The following C2CD3 variants were observed in gnomAD, a reference collection of about 807,000 sequenced individuals.
C2CD3 encodes the protein C2 domain-containing protein 3.
A neutral mutation model predicts 234.0 loss-of-function variants in C2CD3; 148 were observed. That is an observed-to-expected ratio of 0.63 (90% CI 0.55 to 0.72). The LOEUF is 0.72. Ranked by LOEUF, C2CD3 falls within the 30% of genes least tolerant of loss-of-function variation. C2CD3 has a pLI of 0.00. For missense variants in C2CD3, 2,577 were observed against 2,811.5 expected, an observed-to-expected ratio of 0.92 and a Z score of 1.89; for synonymous variants, 1,000 against 1,035.4, an observed-to-expected ratio of 0.97 and a Z score of 0.66.
At chr11:74,099,255 A>C (rs1956222254) in intron 15 of C2CD3, among the ~76,000 whole-genome samples, 1 of 152,354 alleles carries the variant, frequency 6.6e-6, no homozygotes, top group Non-Finnish European at 1.5e-5. Flanking sequence ...ATTAATACTC[A>C]GCTGTTCACA....
At chr11:74,135,899 T>C (rs921677836) in intron 5 of C2CD3, among the ~76,000 whole-genome samples, 2 of 152,074 alleles carry the variant, frequency 1.3e-5, no homozygotes, top group African/African-American at 2.4e-5. Context: ...TTTTCACTTA[T>C]AAATGGGAGC....
At chr11:74,135,429 G>T (rs117253906) in intron 5 of C2CD3, among the ~76,000 whole-genome samples, 2 of 152,188 alleles carry the variant, frequency 1.3e-5, no homozygotes, top group East Asian at 1.9e-4. Flanking sequence ...CAGCTTGCCC[G>T]GACTTGCAGA....
chr11:74,114,469 C>T lies in C2CD3; in HGVS notation c.1645G>A (p.Gly549Arg), dbSNP rs1956859071. The change falls in exon 10 of 33, where the codon GGA becomes AGA. Residue 549 changes from glycine (G) to arginine (R), a missense_variant. Transcript: ENST00000334126. Reference protein sequence around the residue: ...HSVRIIIETMGVPPDSPQMTP... With the variant: ...HSVRIIIETMRVPPDSPQMTP... ...ATCTGAGGACTATCTGGAGGAACTC[C>T]CATGGTTTCGATGATGATTCTGACT... is the stretch of plus-strand genomic sequence containing the variant. 1.9e-6 allele frequency: 3 copies of T among 1,613,816 alleles called. No homozygotes were observed. Among genetic ancestry groups the T allele is most frequent in the South Asian group, 2.2e-5 (2 of 91,086 alleles).
intron 26 of C2CD3, 35 bp downstream of exon 26, chr11:74,054,572 C>T: frequency 2.8e-6 from 2 of 707,308 alleles, no homozygotes; most frequent in Non-Finnish European, 4.6e-6. Flanking sequence ...CTTATTTTTA[C>T]AAGCAAGCAG....
At chr11:74,154,375 T>C (rs1358146382) in intron 3 of C2CD3, among the ~76,000 whole-genome samples, 5 of 152,132 alleles carry the variant, frequency 3.3e-5, no homozygotes, top group Non-Finnish European at 5.9e-5. Flanking sequence ...AATCTATGCT[T>C]CTGAGTTGTA....
At position 74,117,128 on chromosome 11, in the gene C2CD3, GAA is replaced by G. The variant is rs1957030063; in HGVS notation, c.1520+1098_1520+1099del. Among the ~76,000 whole-genome samples the G allele has an allele frequency of 1.7e-4, 4 of 23,836 alleles. 1 individual carries two copies. Among genetic ancestry groups the G allele is most frequent in the Non-Finnish European group, 2.7e-4 (4 of 14,964 alleles). The allele number at this position is 23,836 out of a possible 152,430, so 15.6% of individuals were successfully genotyped here. A position where few individuals can be genotyped will look rare whatever the true frequency, so the allele number is the denominator to read the frequency against. ...TATATATATATGAATATATATATATGAATATATATATATGAATATATATATAT... is the reference window on the plus strand; with the variant it reads ...TATATATATATGAATATATATATATGTATATATATATGAATATATATATAT... On this transcript the variant is annotated intron_variant, in intron 9 of 32. Coordinates refer to ENST00000334126, the MANE Select transcript of C2CD3 (RefSeq NM_001286577.2).
At chr11:74,150,507 A>AAC (rs1378354968) in intron 3 of C2CD3, among the ~76,000 whole-genome samples, 7 of 76,996 alleles carry the variant, frequency 9.1e-5, no homozygotes, top group African/African-American at 1.5e-4. Context: ...AAAAAAAAAA[A>AAC]AAAAAAAACA....
chr11:74,078,386 A>G lies in C2CD3; in HGVS notation c.4332T>C (p.His1444=), dbSNP rs368131998. 171 of 1,614,052 alleles carry G rather than the reference A, an allele frequency of 1.1e-4. No individual in the cohort carries two copies. Among genetic ancestry groups the G allele is most frequent in the Non-Finnish European group, 1.3e-4 (152 of 1,180,036 alleles). ...TCTTGAGAGGGGTCCAAAAGGCTTC[A>G]TGATCATAGAACTTGTAGCGAAGGT... is the stretch of plus-strand genomic sequence containing the variant. The part of the protein sequence containing the change: ...YCYLRYKFYD[H]EAFWTPLKKP... Residue 1444 remains histidine, a synonymous_variant, in exon 23 of 33, where the codon CAT becomes CAC. Transcript: ENST00000334126.
At chr11:74,058,317 T>C (rs1253735678) in intron 24 of C2CD3, among the ~76,000 whole-genome samples, 1 of 152,216 alleles carries the variant, frequency 6.6e-6, no homozygotes, top group Non-Finnish European at 1.5e-5. Flanking sequence ...AACACTTACA[T>C]ATCACTTACT....
intron 26 of C2CD3, among the ~76,000 whole-genome samples, chr11:74,053,076 G>C (rs557394676): frequency 2.0e-5 from 3 of 152,298 alleles, no homozygotes; most frequent in African/African-American, 7.2e-5. Flanking sequence ...AATCTTACTA[G>C]CATGGTGAAG....
chr11:74,147,401 A>G (rs1424192060), intron 3 of C2CD3, among the ~76,000 whole-genome samples: 1 of 152,216 alleles, frequency 6.6e-6, no homozygotes, highest in African/African-American at 2.4e-5. Flanking sequence ...TGGGCAACAG[A>G]GCAAGACCCC....
chr11:74,050,056 A>C (rs1323839917), intron 26 of C2CD3, among the ~76,000 whole-genome samples: 1 of 152,168 alleles, frequency 6.6e-6, no homozygotes, highest in Non-Finnish European at 1.5e-5. Context: ...TTGGGATTAC[A>C]CATGTAAGCC....
rs148772090 is a variant in C2CD3 at position 74,077,233 on chromosome 11, T to C, written c.4603+882A>G. ...TAGCATTCTAGATGATCAGATAGGC[T>C]CTTATATATGTGATTACAAGTAGTT... is the stretch of plus-strand genomic sequence containing the variant. On this transcript the variant is annotated intron_variant, in intron 23 of 32. Transcript: ENST00000334126. Among the ~76,000 whole-genome samples, 1,371 of 152,042 alleles carry C rather than the reference T, an allele frequency of 9.0e-3. 18 individuals are homozygous for C. The highest frequency in any genetic ancestry group is 0.031 in the African/African-American group (1,287 of 41,458).
chr11:74,074,295 C>T lies in C2CD3; in HGVS notation c.4909G>A (p.Val1637Ile). 1 of 1,614,202 alleles carries T rather than the reference C, an allele frequency of 6.2e-7. No homozygotes were observed. The highest frequency in any genetic ancestry group is 8.5e-7 in the Non-Finnish European group (1 of 1,180,006). ...ATTGCTCTTTCTACTAGGATGCTGA[C>T]TGCAAACGTTCCATCCAAATCAGCA... ...GPADLDGTFA[V>I]SILVERAMHL... The change falls in exon 24 of 33, where the codon GTC (valine) becomes ATC (isoleucine). Residue 1637 changes from valine (V) to isoleucine (I), a missense_variant. Physicochemically the swap from Val to Ile is conservative, Grantham distance 29. Coordinates refer to ENST00000334126, the MANE Select transcript of C2CD3 (RefSeq NM_001286577.2).
intron 32 of C2CD3, among the ~76,000 whole-genome samples, chr11:74,022,975 C>T (rs1333582396): frequency 1.3e-5 from 2 of 152,248 alleles, no homozygotes; most frequent in Non-Finnish European, 2.9e-5. Context: ...ACAGTACAAC[C>T]ACCCTGTGAG....
In C2CD3 at chr11:74,092,461, T is replaced by C; in HGVS notation, c.3472A>G (p.Thr1158Ala). The C allele has an allele frequency of 6.2e-7, 1 of 1,613,878 alleles. No homozygotes were observed. The highest frequency in any genetic ancestry group is 8.5e-7 in the Non-Finnish European group (1 of 1,179,846). Residue 1158 changes from threonine (T) to alanine (A), a missense_variant, in exon 19 of 33, where the codon ACC becomes GCC. Transcript: ENST00000334126. ...TCTTTCCTGTTCTCAATCCTGGGGG[T>C]TAAAGGGAGATTAAAGGTCTGTATT... ...VGIQTFNLPL[T>A]PRIENRKELR...
intron 15 of C2CD3, among the ~76,000 whole-genome samples, chr11:74,099,234 CT>C (rs2135491580): frequency 6.6e-6 from 1 of 152,314 alleles, no homozygotes; most frequent in African/African-American, 2.4e-5. Context: ...TCCAATGTTA[CT>C]GTTGTAAGTA....
chr11:74,145,953 A>G (rs1855154980), intron 3 of C2CD3, among the ~76,000 whole-genome samples: 5 of 152,180 alleles, frequency 3.3e-5, no homozygotes, highest in Admixed American at 3.3e-4. Context: ...TTGTCTTTAT[A>G]TTTTATTTTG....
chr11:74,074,648 C>A, intron 23 of C2CD3, 48 bp from the exon 24 acceptor site: 9 of 1,473,594 alleles, frequency 6.1e-6, no homozygotes, highest in Non-Finnish European at 8.3e-6. Context: ...GGAACCAAGA[C>A]CAAGCTTGGA....
Sources: gnomAD v4.1 joint callset for allele counts (sites outside exome capture counted in the v4.1 genomes callset) on GRCh38, gnomAD v4.1.1 for gene constraint, MANE v1.5 for transcripts, NCBI Gene and HGNC (gene_info 2026-07-23, HGNC 2026-07-21) for gene names.